The following SLC26A9 variants were observed in gnomAD, a reference collection of about 807,000 sequenced individuals.
SLC26A9 encodes solute carrier family 26 member 9.
Under a neutral mutation model 87.1 loss-of-function variants are expected in SLC26A9, and 46 were observed. That is an observed-to-expected ratio of 0.53 (90% CI 0.42 to 0.67). The LOEUF is 0.67. Among genes scored for constraint, SLC26A9 ranks in the 30% least tolerant of loss-of-function variants. The pLI, the probability that SLC26A9 is intolerant of heterozygous loss-of-function variation, is 0.00. For missense variants in SLC26A9, 927 were observed against 1,018.3 expected (o/e 0.91, Z 1.22); for synonymous variants, 437 against 409.1 (o/e 1.07, Z -0.82).
At chr1:205,923,715 G>A in intron 13 of SLC26A9, 102 bp from the exon 14 acceptor site, 1 of 1,277,370 alleles carries the variant, frequency 7.8e-7, no homozygotes, top group Non-Finnish European at 1.1e-6. Context: ...GTAGGATGGG[G>A]TCCTGTCCTC....
chr1:205,922,936 G>T, intron 16 of SLC26A9, 146 bp downstream of exon 16: 2 of 703,464 alleles, frequency 2.8e-6, no homozygotes, highest in Admixed American at 2.5e-5. Context: ...AAAATGCCCA[G>T]CGGCCACCAG....
chr1:205,926,668 T>TC lies in SLC26A9; in HGVS notation c.1294-39dup, dbSNP rs771813716. ...AACATTGCTCCAGGACCCCAGGGTCTCCCCTTCTTTTTGCCCTCCTGCGCA... is the reference window on the plus strand; with the variant it reads ...AACATTGCTCCAGGACCCCAGGGTCTCCCCCTTCTTTTTGCCCTCCTGCGCA... On this transcript the variant is annotated intron_variant, in intron 11 of 20. Transcript: ENST00000367135. 5 of 1,587,258 alleles carry TC rather than the reference T, an allele frequency of 3.2e-6. No individual in the cohort carries two copies. The African/African-American group carries it at 6.7e-5, about 21-fold the overall frequency.
At chr1:205,927,777 C>T in intron 9 of SLC26A9, 125 bp downstream of exon 9, 3 of 1,499,744 alleles carry the variant, frequency 2.0e-6, no homozygotes, top group Non-Finnish European at 2.7e-6. Flanking sequence ...TCAGAGGACC[C>T]CCTATCCCCC....
chr1:205,917,276 AG>A lies in SLC26A9; in HGVS notation c.2328+6del. 6.2e-7 allele frequency: 1 copy of A among 1,613,710 alleles called. No homozygotes were observed. Among genetic ancestry groups the A allele is most frequent in the Non-Finnish European group, 8.5e-7 (1 of 1,179,902 alleles). ...TCCCACCCTCACAGCCCCTTCCCTC[AG>A]CTCACCTGCTCTAAGTCCCAGTAGC... On this transcript the variant is annotated splice_donor_region_variant and intron_variant, in intron 20 of 20. Coordinates refer to ENST00000367135, the MANE Select transcript of SLC26A9 (RefSeq NM_052934.4).
chr1:205,940,632 C>A (rs940399142), intron 1 of SLC26A9, among the ~76,000 whole-genome samples: 1 of 152,164 alleles, frequency 6.6e-6, no homozygotes, highest in African/African-American at 2.4e-5. Context: ...CTGCCCCATG[C>A]CTTAACCCCT....
intron 14 of SLC26A9, 47 bp downstream of exon 14, chr1:205,923,497 G>C (rs1658932492): frequency 6.2e-7 from 1 of 1,613,528 alleles, no homozygotes; most frequent in African/African-American, 1.3e-5. Context: ...CCTCTTCTTG[G>C]GGTGGTGCAG....
intron 20 of SLC26A9, among the ~76,000 whole-genome samples, chr1:205,916,907 C>A (rs374088009): frequency 6.6e-6 from 1 of 151,934 alleles, no homozygotes; most frequent in South Asian, 2.1e-4. Flanking sequence ...TCGAGACCAG[C>A]CCAGCCAACA....
intron 1 of SLC26A9, among the ~76,000 whole-genome samples, chr1:205,936,903 C>T (rs142363897): frequency 8.2e-4 from 125 of 152,194 alleles, no homozygotes; most frequent in African/African-American, 2.8e-3. Flanking sequence ...TTGCTTAATG[C>T]CTTTTGTGGA....
intron 19 of SLC26A9, among the ~76,000 whole-genome samples, chr1:205,917,882 A>G (rs916911063): frequency 3.3e-5 from 5 of 152,210 alleles, no homozygotes; most frequent in Admixed American, 6.5e-5. Context: ...TGATTAGGGC[A>G]CTAACAACTA....
At position 205,918,308 on chromosome 1, in the gene SLC26A9, T is replaced by C. The variant is rs576845411; in HGVS notation, c.2256+532A>G. ...CTGGAGTTTTAGATGGTGTTATTTG[T>C]ATCCCATTTGTAACTTACTGAGCTA... On this transcript the variant is annotated intron_variant, in intron 19 of 20. Coordinates refer to ENST00000367135, the MANE Select transcript of SLC26A9 (RefSeq NM_052934.4). 3.9e-4 allele frequency among the ~76,000 whole-genome samples: 58 copies of C among 148,402 alleles called. 1 individual carries two copies. Among genetic ancestry groups the C allele is most frequent in the South Asian group, 3.3e-3 (16 of 4,788 alleles).
At chr1:205,941,749 A>G (rs1297899657) in intron 1 of SLC26A9, among the ~76,000 whole-genome samples, 1 of 152,140 alleles carries the variant, frequency 6.6e-6, no homozygotes, top group African/African-American at 2.4e-5. Flanking sequence ...AGAAAGAGGG[A>G]CCAAGGCTAG....
intron 13 of SLC26A9, 46 bp from the exon 14 acceptor site, chr1:205,923,659 C>T (rs2102580095): frequency 1.9e-6 from 3 of 1,611,712 alleles, no homozygotes; most frequent in South Asian, 1.1e-5. Flanking sequence ...GCTAATGGCA[C>T]ATGGGCCTGG....
chr1:205,934,359 C>T (rs188026544), intron 2 of SLC26A9, among the ~76,000 whole-genome samples: 2 of 152,260 alleles, frequency 1.3e-5, no homozygotes, highest in African/African-American at 4.8e-5. Context: ...AGAGAACCAG[C>T]CCTGCAGGGG....
In SLC26A9 at chr1:205,923,334, C is replaced by T; in HGVS notation, c.1659+1G>A. On this transcript the variant is annotated splice_donor_variant, in intron 15 of 20. Transcript: ENST00000367135. LOFTEE classifies it high-confidence loss of function. ...TCTGGTCGCCAGGGACTGAGCCTTA[C>T]CTTGGCGATGACCTTTTGCCTGAAG... The T allele has an allele frequency of 1.2e-6, 2 of 1,614,072 alleles. No homozygotes were observed. Among genetic ancestry groups the T allele is most frequent in the Non-Finnish European group, 1.7e-6 (2 of 1,179,954 alleles).
At chr1:205,928,124 C>T (rs537157561) in intron 8 of SLC26A9, 75 bp from the exon 9 acceptor site, 2 of 1,534,196 alleles carry the variant, frequency 1.3e-6, no homozygotes, top group East Asian at 4.7e-5. Context: ...CACCAGCCCA[C>T]AGGGACCAGC....
chr1:205,929,349 A>T lies in SLC26A9; in HGVS notation c.725T>A (p.Ile242Asn), dbSNP rs192547308. 3 of 1,613,938 alleles carry T rather than the reference A, an allele frequency of 1.9e-6. No individual in the cohort carries two copies. The highest frequency in any genetic ancestry group is 1.6e-4 in the Middle Eastern group (1 of 6,070). Residue 242 changes from isoleucine (I) to asparagine (N), a missense_variant, in exon 7 of 21, where the codon ATT becomes AAT. By Grantham distance (149) the Ile-to-Asn change is moderately radical. Transcript: ENST00000367135. The stretch of plus-strand genomic sequence containing the variant: ...GTGGGGGAGGTTTTTGCAAATGTCA[A>T]TGAAGGTCTGGGGGAAAGAGCATCA... ...TGPGSIVFTF[I>N]DICKNLPHTN...
At position 205,924,402 on chromosome 1, in the gene SLC26A9, C is replaced by A. The variant is rs771408472; in HGVS notation, c.1477G>T (p.Val493Leu). Reference sequence around the variant, plus strand: ...ACTTACAACTGAGTCTGGAAGACCACGACCAGGACGGAGAAGGCGACACCC... The same window carrying A: ...ACTTACAACTGAGTCTGGAAGACCAAGACCAGGACGGAGAAGGCGACACCC... ...AVGVAFSVLV[V>L]VFQTQFRNGY... The change falls in exon 13 of 21, where the codon GTG becomes TTG. Residue 493 changes from valine to leucine, a missense_variant. Coordinates refer to ENST00000367135, the MANE Select transcript of SLC26A9 (RefSeq NM_052934.4). 1 of 1,614,126 alleles carries A rather than the reference C, an allele frequency of 6.2e-7. No homozygotes were observed. Among genetic ancestry groups the A allele is most frequent in the Admixed American group, 1.7e-5 (1 of 60,024 alleles).
chr1:205,928,719 A>G (rs1571745315), intron 8 of SLC26A9, 108 bp downstream of exon 8: 1 of 1,018,262 alleles, frequency 9.8e-7, no homozygotes, highest in Non-Finnish European at 1.5e-6. Context: ...AGTGTCATAC[A>G]GTTTCGACTG....
chr1:205,930,310 A>G (rs1303991436), intron 5 of SLC26A9: 1 of 334,308 alleles, frequency 3.0e-6, no homozygotes, highest in Non-Finnish European at 5.4e-6. Context: ...TCTGTAAAAT[A>G]AGTCTAGTCC....
Sources: allele counts gnomAD v4.1 joint callset (sites outside exome capture counted in the v4.1 genomes callset), GRCh38; gene constraint gnomAD v4.1.1; transcripts MANE v1.5; gene names NCBI Gene and HGNC (gene_info 2026-07-23, HGNC 2026-07-21).